CTNND2: variants seen among roughly 807,000 people sequenced by gnomAD.
CTNND2 encodes catenin delta 2.
CTNND2 carries 22 observed loss-of-function variants against 144.4 expected under a neutral mutation model. That is an observed-to-expected ratio of 0.15 (90% CI 0.11 to 0.22). CTNND2 has a LOEUF of 0.22. Among genes scored for constraint, CTNND2 ranks in the 10% least tolerant of loss-of-function variants. CTNND2 has a pLI of 1.00. For missense variants in CTNND2, 1,353 were observed against 1,618.8 expected, an observed-to-expected ratio of 0.84 and a Z score of 2.82; for synonymous variants, 751 against 695.6, an observed-to-expected ratio of 1.08 and a Z score of -1.25.
intron 3 of CTNND2, among the ~76,000 whole-genome samples, chr5:11,533,584 C>T (rs1385395078): frequency 6.6e-6 from 1 of 152,238 alleles, no homozygotes; most frequent in Admixed American, 6.5e-5. Flanking sequence ...ACAACTCTTC[C>T]TTTCCATGGT....
chr5:11,248,033 A>T (rs1421693924), intron 9 of CTNND2, among the ~76,000 whole-genome samples: 1 of 152,162 alleles, frequency 6.6e-6, no homozygotes, highest in African/African-American at 2.4e-5. Context: ...AGTGTCCATA[A>T]ACTTTACCTT....
At chr5:11,202,585 A>G (rs1737574731) in intron 10 of CTNND2, among the ~76,000 whole-genome samples, 1 of 152,106 alleles carries the variant, frequency 6.6e-6, no homozygotes, top group African/African-American at 2.4e-5. Flanking sequence ...TTAAAATGTA[A>G]ATGGCCACAT....
chr5:11,663,205 C>A (rs547753136), intron 2 of CTNND2, among the ~76,000 whole-genome samples: 2 of 152,296 alleles, frequency 1.3e-5, no homozygotes, highest in South Asian at 4.1e-4. Context: ...AATGTGTCTG[C>A]ATAATTGATT....
chr5:11,670,265 C>G (rs1452289157), intron 2 of CTNND2, among the ~76,000 whole-genome samples: 3 of 152,104 alleles, frequency 2.0e-5, no homozygotes, highest in Non-Finnish European at 2.9e-5. Context: ...TTTATTAGGT[C>G]TACTTGGTGC....
intron 2 of CTNND2, among the ~76,000 whole-genome samples, chr5:11,611,523 A>G (rs919277090): frequency 5.9e-5 from 9 of 152,168 alleles, no homozygotes; most frequent in African/African-American, 1.9e-4. Context: ...CATGCCTGTA[A>G]TCCTAGCGCT....
intron 16 of CTNND2, among the ~76,000 whole-genome samples, chr5:11,058,296 T>TGGGTCCA (rs1247330264): frequency 6.6e-6 from 1 of 152,198 alleles, no homozygotes; most frequent in Non-Finnish European, 1.5e-5. Flanking sequence ...TTTCCTGGGC[T>TGGGTCCA]GGGTCCAGGG....
chr5:11,810,653 C>T (rs974267429), intron 1 of CTNND2, among the ~76,000 whole-genome samples: 1 of 152,040 alleles, frequency 6.6e-6, no homozygotes, highest in African/African-American at 2.4e-5. Flanking sequence ...GTTTCTAATG[C>T]TTATTATAAG....
intron 16 of CTNND2, among the ~76,000 whole-genome samples, chr5:11,076,736 C>A (rs1488841575): frequency 6.6e-6 from 1 of 152,168 alleles, no homozygotes. Flanking sequence ...TCTCATTAGA[C>A]CTCATGGGAT....
Position 10,973,357 on chromosome 5 carries a change from C to T in CTNND2, c.*96G>A. 7.3e-7 allele frequency: 1 copy of T among 1,365,060 alleles called. No homozygotes were observed. Among genetic ancestry groups the T allele is most frequent in the Non-Finnish European group, 9.8e-7 (1 of 1,023,978 alleles). The allele number at this position is 1,365,060 out of a possible 1,614,324, so 84.6% of individuals were successfully genotyped here. On this transcript the variant is annotated 3_prime_UTR_variant, in exon 22 of 22. Transcript: ENST00000304623. The surrounding 1 kb of genome is among the most constrained non-coding windows in gnomAD (Gnocchi z 5.6). ...AGCCTTCCTATGGAACAGGCTTTAA[C>T]AAACTAAATTTGCAGGAGAAAAAAA...
At chr5:11,237,261 C>T (rs1449112121) in intron 9 of CTNND2, among the ~76,000 whole-genome samples, 6 of 152,042 alleles carry the variant, frequency 3.9e-5, no homozygotes, top group African/African-American at 7.2e-5. Flanking sequence ...CCTCGTGATC[C>T]GCCCACCTCG....
intron 7 of CTNND2, among the ~76,000 whole-genome samples, chr5:11,382,597 G>GTGTATA (rs68065137): frequency 0.21 from 6,396 of 29,858 alleles, 206 homozygotes; most frequent in Middle Eastern, 0.3. Context: ...GTGAGACTCT[G>GTGTATA]TGTGTGTGTG....
At chr5:11,627,007 AT>A (rs2079726470) in intron 2 of CTNND2, among the ~76,000 whole-genome samples, 1 of 152,194 alleles carries the variant, frequency 6.6e-6, no homozygotes, top group Non-Finnish European at 1.5e-5. Flanking sequence ...AGGATAGATG[AT>A]GAATAAAATT....
intron 11 of CTNND2, among the ~76,000 whole-genome samples, chr5:11,164,468 A>G (rs991142367): frequency 6.6e-6 from 1 of 152,132 alleles, no homozygotes; most frequent in Non-Finnish European, 1.5e-5. Flanking sequence ...TATCCATTCC[A>G]TAATATTAAG....
chr5:11,708,308 T>C (rs553754621), intron 2 of CTNND2, among the ~76,000 whole-genome samples: 58 of 152,264 alleles, frequency 3.8e-4, no homozygotes, highest in African/African-American at 1.3e-3. Flanking sequence ...TTTACTATAA[T>C]ATATAATGTG....
intron 1 of CTNND2, among the ~76,000 whole-genome samples, chr5:11,764,976 G>T (rs1314386225): frequency 6.6e-6 from 1 of 152,056 alleles, no homozygotes; most frequent in Non-Finnish European, 1.5e-5. Flanking sequence ...AGTTCCATTG[G>T]CCATGGGGCA....
At chr5:11,280,935 C>T (rs1019874369) in intron 9 of CTNND2, among the ~76,000 whole-genome samples, 17 of 152,082 alleles carry the variant, frequency 1.1e-4, no homozygotes, top group Admixed American at 2.0e-4. Flanking sequence ...GGGTGGTGTA[C>T]GAAATGATGG....
At position 11,117,935 on chromosome 5, in the gene CTNND2, A is replaced by T. The variant is rs183815060; in HGVS notation, c.2160-368T>A. Among the ~76,000 whole-genome samples the T allele has an allele frequency of 1.5e-3, 230 of 152,362 alleles. 1 individual carries two copies. Among genetic ancestry groups the T allele is most frequent in the African/African-American group, 5.3e-3 (219 of 41,576 alleles). On this transcript the variant is annotated intron_variant, in intron 12 of 21. Coordinates refer to ENST00000304623, the MANE Select transcript of CTNND2 (RefSeq NM_001332.4). ...CTTTGAGAGGTCCGAAACACTTTCAAAGACAGAACTTGTAACTTCTGAAAT... is the reference window on the plus strand; with the variant it reads ...CTTTGAGAGGTCCGAAACACTTTCATAGACAGAACTTGTAACTTCTGAAAT...
At chr5:11,356,596 A>G (rs1381643861) in intron 8 of CTNND2, among the ~76,000 whole-genome samples, 1 of 152,136 alleles carries the variant, frequency 6.6e-6, no homozygotes, top group East Asian at 1.9e-4. Context: ...TGAAACAACT[A>G]GAAGAAAACA....
At chr5:11,625,098 G>A (rs1188846416) in intron 2 of CTNND2, among the ~76,000 whole-genome samples, 1 of 152,054 alleles carries the variant, frequency 6.6e-6, no homozygotes, top group African/African-American at 2.4e-5. Flanking sequence ...AACTGTCAGA[G>A]CACAATAGCA....
Sources: gnomAD v4.1 joint callset for allele counts (sites outside exome capture counted in the v4.1 genomes callset) on GRCh38, gnomAD v4.1.1 for gene constraint, Gnocchi (gnomAD v3.1) non-coding constraint, MANE v1.5 for transcripts, NCBI Gene and HGNC (gene_info 2026-07-23, HGNC 2026-07-21) for gene names.